MATCAP2: variants seen among roughly 807,000 people sequenced by gnomAD.
MATCAP2 encodes putative tyrosine carboxypeptidase MATCAP2.
the MATCAP2 span, among the ~76,000 whole-genome samples, chr7:36,362,719 G>T: frequency 1.3e-5 from 2 of 152,212 alleles, no homozygotes; most frequent in South Asian, 2.1e-4. Context: ...TACTCACTAT[G>T]CTCTCTCCGA....
chr7:36,334,007 C>T, the MATCAP2 span: 11 of 1,614,030 alleles, frequency 6.8e-6, no homozygotes, highest in Non-Finnish European at 9.3e-6. Flanking sequence ...GGAGGGCAGC[C>T]CTCCATAAAA....
the MATCAP2 span, chr7:36,325,953 T>C: frequency 6.6e-6 from 1 of 151,860 alleles, no homozygotes; most frequent in Admixed American, 6.6e-5. Flanking sequence ...TTACATATTC[T>C]GTTTCATAAA....
At chr7:36,389,665 CGCCCCGCT>C in the MATCAP2 span, 1 of 224,798 alleles carries the variant, frequency 4.4e-6, no homozygotes, top group East Asian at 9.5e-5. Context: ...GAGCAGGAAG[CGCCCCGCT>C]GCCCGCCTCC....
At chr7:36,331,696 A>G in the MATCAP2 span, among the ~76,000 whole-genome samples, 1 of 152,266 alleles carries the variant, frequency 6.6e-6, no homozygotes, top group Non-Finnish European at 1.5e-5. Flanking sequence ...TAAAGACATG[A>G]AAAGTAGAAC....
the MATCAP2 span, among the ~76,000 whole-genome samples, chr7:36,361,664 G>C: frequency 6.6e-6 from 1 of 152,180 alleles, no homozygotes; most frequent in Non-Finnish European, 1.5e-5. Flanking sequence ...GCTGAGGCTG[G>C]AAGACTACTT....
the MATCAP2 span, chr7:36,357,394 CTG>C: frequency 6.2e-7 from 1 of 1,614,146 alleles, no homozygotes; most frequent in Non-Finnish European, 8.5e-7. Flanking sequence ...TGGAGGAAGA[CTG>C]TTTTTGTGAA....
the MATCAP2 span, among the ~76,000 whole-genome samples, chr7:36,343,139 A>G: frequency 6.3e-4 from 95 of 151,804 alleles, no homozygotes; most frequent in East Asian, 8.0e-3. Context: ...CAGGAAACCA[A>G]TAAAAATTTA....
At chr7:36,326,798 T>C in the MATCAP2 span, 1 of 1,613,736 alleles carries the variant, frequency 6.2e-7, no homozygotes, top group Non-Finnish European at 8.5e-7. Context: ...GTCAGTTCAT[T>C]CACTTCCATG....
the MATCAP2 span, among the ~76,000 whole-genome samples, chr7:36,361,478 G>C: frequency 6.6e-6 from 1 of 152,220 alleles, no homozygotes; most frequent in Admixed American, 6.5e-5. Flanking sequence ...GAGAATCTGG[G>C]ATAATTTTAT....
chr7:36,363,869 T>A, the MATCAP2 span, among the ~76,000 whole-genome samples: 3 of 152,218 alleles, frequency 2.0e-5, no homozygotes, highest in Non-Finnish European at 4.4e-5. Flanking sequence ...TGTTAACTAT[T>A]ATTAGTATCA....
the MATCAP2 span, among the ~76,000 whole-genome samples, chr7:36,350,269 G>A: frequency 2.6e-5 from 4 of 151,980 alleles, no homozygotes. Flanking sequence ...CTGTTTTAAA[G>A]CACAATAATG....
At chr7:36,328,241 G>GC in the MATCAP2 span, among the ~76,000 whole-genome samples, 39 of 23,464 alleles carry the variant, frequency 1.7e-3, 2 homozygotes, top group South Asian at 0.17. Flanking sequence ...TGTTTTTGTA[G>GC]GGGGGGGGGG....
chr7:36,373,788 A>AT, the MATCAP2 span, among the ~76,000 whole-genome samples: 1 of 151,592 alleles, frequency 6.6e-6, no homozygotes, highest in Admixed American at 6.6e-5. Flanking sequence ...CAACTGGAGG[A>AT]TTTTTTTCTT....
chr7:36,326,929 G>C, the MATCAP2 span: 65 of 1,596,820 alleles, frequency 4.1e-5, no homozygotes, highest in Non-Finnish European at 5.1e-5. Context: ...CTGAAAAAAA[G>C]GAAGATGAGT....
the MATCAP2 span, among the ~76,000 whole-genome samples, chr7:36,386,087 A>G: frequency 5.9e-5 from 9 of 151,570 alleles, no homozygotes; most frequent in African/African-American, 2.2e-4. Context: ...CCCGGGAGGC[A>G]GAGGTTGTAG....
the MATCAP2 span, among the ~76,000 whole-genome samples, chr7:36,368,018 C>T: frequency 3.3e-5 from 5 of 150,870 alleles, no homozygotes; most frequent in Non-Finnish European, 2.9e-5. Context: ...GAGCCATGAT[C>T]GCGCCACTGC....
the MATCAP2 span, chr7:36,335,093 G>C: frequency 6.2e-7 from 1 of 1,613,766 alleles, no homozygotes; most frequent in African/African-American, 1.3e-5. Context: ...ACGTGCAGTG[G>C]ACACATTGAT....
chr7:36,388,988 C>G, the MATCAP2 span, among the ~76,000 whole-genome samples: 1 of 152,192 alleles, frequency 6.6e-6, no homozygotes, highest in Non-Finnish European at 1.5e-5. Flanking sequence ...GGCCTGCAGT[C>G]CCCCTTTTGG....
chr7:36,327,645 T>A, the MATCAP2 span, among the ~76,000 whole-genome samples: 12 of 152,220 alleles, frequency 7.9e-5, no homozygotes, highest in Non-Finnish European at 1.3e-4. Context: ...AGCACAATTA[T>A]ACAGGGTGAG....
Sources: allele counts gnomAD v4.1 joint callset (sites outside exome capture counted in the v4.1 genomes callset), GRCh38; gene constraint gnomAD v4.1.1; transcripts MANE v1.5; gene names NCBI Gene and HGNC (gene_info 2026-07-23, HGNC 2026-07-21).